NPM1: variants seen among roughly 807,000 people sequenced by gnomAD.
NPM1 encodes the protein nucleophosmin.
NPM1 carries 1 observed loss-of-function variant against 44.1 expected under a neutral mutation model. That is an observed-to-expected ratio of 0.02 (90% CI 0.01 to 0.11). The LOEUF is 0.11. Ranked by LOEUF, NPM1 falls within the 10% of genes least tolerant of loss-of-function variation. The probability of loss-of-function intolerance (pLI) is 1.00; values close to 1 mark genes in which losing one functional copy is unlikely to be tolerated. For missense variants in NPM1, 197 were observed against 347.8 expected (o/e 0.57, Z 3.45); for synonymous variants, 126 against 111.8 (o/e 1.13, Z -0.80).
At chr5:171,400,320 C>CATACTGAGGGAGATCATCTA in intron 7 of NPM1, 110 bp downstream of exon 7, 1 of 1,253,780 alleles carries the variant, frequency 8.0e-7, no homozygotes, top group Non-Finnish European at 1.1e-6. Flanking sequence ...GAGATCATCT[C>CATACTGAGGGAGATCATCTA]ATACTGAAAA....
rs116118115 is a variant in NPM1, at chr5:171,393,980, G to T, written c.524+1002G>T. 8.0e-3 allele frequency among the ~76,000 whole-genome samples: 1,208 copies of T among 151,052 alleles called. 10 individuals are homozygous for T. Among genetic ancestry groups the T allele is most frequent in the African/African-American group, 0.028 (1,149 of 41,182 alleles). ...AAATAAAAATTCAAAGTACTTGCAT[G>T]TCAAACTTATAAATGAACGCAAACT... On this transcript the variant is annotated intron_variant, in intron 6 of 10. Coordinates refer to ENST00000296930, the MANE Select transcript of NPM1 (RefSeq NM_002520.7).
chr5:171,406,672 G>A (rs1771588133), intron 9 of NPM1: 1 of 1,285,948 alleles, frequency 7.8e-7, no homozygotes, highest in Non-Finnish European at 9.8e-7. Flanking sequence ...ACCTGACAAT[G>A]TTTTAAATCG....
At chr5:171,400,297 G>A in intron 7 of NPM1, 87 bp downstream of exon 7, 3 of 895,156 alleles carry the variant, frequency 3.4e-6, no homozygotes, top group Non-Finnish European at 4.6e-6. Flanking sequence ...GTAGTTAAGG[G>A]AAGCTGGTGT....
intron 6 of NPM1, among the ~76,000 whole-genome samples, chr5:171,394,171 A>G (rs1770751493): frequency 6.7e-6 from 1 of 149,882 alleles, no homozygotes; most frequent in African/African-American, 2.5e-5. Context: ...CCTCCCGGGT[A>G]GCTGGGACTG....
chr5:171,388,833 A>G (rs971410686), intron 1 of NPM1, among the ~76,000 whole-genome samples: 4 of 152,206 alleles, frequency 2.6e-5, no homozygotes, highest in Non-Finnish European at 4.4e-5. Flanking sequence ...AGATGAGGAT[A>G]CTGGTGCCCA....
rs976834766 is a variant in NPM1 at position 171,391,242 on chromosome 5, A to AGTGGG, written c.139-61_139-57dup. On this transcript the variant is annotated intron_variant, in intron 2 of 10. Transcript: ENST00000296930. Reference sequence around the variant, plus strand: ...TGACGCATGGCTGCATATAACATTTAGTGGGGGGGTGTAAAATAGGTGGAA... The same window carrying AGTGGG: ...TGACGCATGGCTGCATATAACATTTAGTGGGGTGGGGGGGTGTAAAATAGGTGGAA... 113 of 1,575,138 alleles carry AGTGGG rather than the reference A, an allele frequency of 7.2e-5. No homozygotes were observed. In the African/African-American group the frequency reaches 1.5e-3, roughly 21 times the overall value.
At chr5:171,405,251 T>G in intron 8 of NPM1, 51 bp from the exon 9 acceptor site, 1 of 875,150 alleles carries the variant, frequency 1.1e-6, no homozygotes, top group Non-Finnish European at 1.8e-6. Flanking sequence ...GGGTTTTAAT[T>G]AGGAATTGTA....
At chr5:171,403,823 C>T (rs1278920750) in intron 8 of NPM1, among the ~76,000 whole-genome samples, 65 of 77,430 alleles carry the variant, frequency 8.4e-4, no homozygotes, top group Non-Finnish European at 1.3e-3. Flanking sequence ...GGCAGAGGCG[C>T]CCCTCACCTC....
intron 4 of NPM1, 86 bp downstream of exon 4, chr5:171,391,885 A>G (rs1770592085): frequency 1.2e-5 from 9 of 730,448 alleles, no homozygotes; most frequent in East Asian, 5.6e-5. Flanking sequence ...AAGCATGGGT[A>G]TAGTACTACT....
intron 6 of NPM1, 80 bp from the exon 7 acceptor site, chr5:171,400,073 C>T (rs1054893660): frequency 3.7e-6 from 3 of 821,560 alleles, no homozygotes; most frequent in Non-Finnish European, 2.1e-6. Flanking sequence ...CACAAATAAT[C>T]ACTTCAAGGT....
In NPM1 at chr5:171,405,416, A is replaced by G. The variant is rs1202641324; in HGVS notation, c.771+13A>G. ...AAGTATAGAAAAAGTGAGTAAAGTT[A>G]TCTTAAAAAAACTTTGTCTCCCCCC... is the stretch of plus-strand genomic sequence containing the variant. On this transcript the variant is annotated intron_variant, in intron 9 of 10. Coordinates refer to ENST00000296930, the MANE Select transcript of NPM1 (RefSeq NM_002520.7). 1 of 1,277,622 alleles carries G rather than the reference A, an allele frequency of 7.8e-7. No individual in the cohort carries two copies. Among genetic ancestry groups the G allele is most frequent in the Non-Finnish European group, 1.1e-6 (1 of 887,666 alleles). 79.1% of individuals were successfully genotyped at this position (1,277,622 alleles called of 1,614,324 possible).
intron 9 of NPM1, chr5:171,407,381 C>T: frequency 3.2e-6 from 1 of 312,640 alleles, no homozygotes; most frequent in East Asian, 7.5e-5. Context: ...TGATAACCGA[C>T]TTGTTAGATA....
chr5:171,400,973 A>G (rs1771168280), intron 8 of NPM1, 48 bp downstream of exon 8: 2 of 1,269,054 alleles, frequency 1.6e-6, no homozygotes. Flanking sequence ...AGTTGGGGAA[A>G]AAGATTCTAC....
intron 6 of NPM1, among the ~76,000 whole-genome samples, chr5:171,397,908 C>G (rs1229823106): frequency 1.3e-5 from 2 of 149,608 alleles, no homozygotes; most frequent in Non-Finnish European, 3.0e-5. Context: ...ATTCTTCTGC[C>G]TCTCCCAAGT....
chr5:171,403,452 C>G (rs1488380494), intron 8 of NPM1, among the ~76,000 whole-genome samples: 1 of 117,486 alleles, frequency 8.5e-6, no homozygotes, highest in Non-Finnish European at 1.9e-5. Context: ...ATCTTTTCCC[C>G]ACCTTTCCTG....
chr5:171,400,712 C>T, intron 7 of NPM1, 127 bp from the exon 8 acceptor site: 3 of 631,318 alleles, frequency 4.8e-6, no homozygotes, highest in Non-Finnish European at 8.6e-6. Flanking sequence ...TCCCAAAGTC[C>T]TGGGATTACA....
At chr5:171,387,671 C>A, upstream of NPM1, 2 of 479,470 alleles carry the variant, frequency 4.2e-6, no homozygotes, top group South Asian at 5.4e-5. Context: ...GGTGGGAGCC[C>A]GCGGAGTACC....
chr5:171,391,636 T>C (rs1290905206), intron 3 of NPM1, 70 bp from the exon 4 acceptor site: 15 of 1,191,624 alleles, frequency 1.3e-5, no homozygotes, highest in Admixed American at 1.8e-5. Flanking sequence ...ATTTGGCTTA[T>C]GTGTTTGCCT....
chr5:171,405,190 T>G, intron 8 of NPM1, 112 bp from the exon 9 acceptor site: 1 of 633,016 alleles, frequency 1.6e-6, no homozygotes, highest in Non-Finnish European at 2.8e-6. Flanking sequence ...GTTGTATAAT[T>G]AGCTTTATAA....
Sources: gnomAD v4.1 joint callset for allele counts (sites outside exome capture counted in the v4.1 genomes callset) on GRCh38, gnomAD v4.1.1 for gene constraint, MANE v1.5 for transcripts, NCBI Gene and HGNC (gene_info 2026-07-23, HGNC 2026-07-21) for gene names.